Variants in RWDD1 observed in about 807,000 individuals in gnomAD.
RWDD1 encodes the protein RWD domain containing 1.
RWDD1 carries 17 observed loss-of-function variants against 31.6 expected under a neutral mutation model. The observed-to-expected ratio is 0.54, with a 90% CI of 0.37 to 0.81. The LOEUF is 0.81. Among genes scored for constraint, RWDD1 ranks in the 30% least tolerant of loss-of-function variants. The pLI, the probability that RWDD1 is intolerant of heterozygous loss-of-function variation, is 0.00. For missense variants in RWDD1, 204 were observed against 274.5 expected (o/e 0.74, Z 1.82); for synonymous variants, 78 against 94.2 (o/e 0.83, Z 0.99).
Position 116,584,851 on chromosome 6 carries a change from A to G in RWDD1, c.264A>G (p.Ala88=). Residue 88 remains alanine, a synonymous_variant, in exon 3 of 7, where the codon GCA becomes GCG. Coordinates refer to ENST00000466444, the MANE Select transcript of RWDD1 (RefSeq NM_015952.4). ...TCTCAGACATTTTAAAATTACTAGC[A>G]TTACAGGTAAGGAAATAATAATTTT... is the stretch of plus-strand genomic sequence containing the variant. ...NDVSDILKLL[A]LQAEENLGMV... 1 of 1,575,888 alleles carries G rather than the reference A, an allele frequency of 6.3e-7. No homozygotes were observed. The highest frequency in any genetic ancestry group is 8.7e-7 in the Non-Finnish European group (1 of 1,146,138).
At chr6:116,592,945 G>A (rs1775171916) in intron 6 of RWDD1, 35 bp from the exon 7 acceptor site, 2 of 1,566,830 alleles carry the variant, frequency 1.3e-6, no homozygotes, top group African/African-American at 1.4e-5. Context: ...TAAGACTAAA[G>A]GAGATTTTTT....
chr6:116,592,428 A>G (rs560355261), intron 6 of RWDD1, among the ~76,000 whole-genome samples: 2 of 152,260 alleles, frequency 1.3e-5, no homozygotes, highest in South Asian at 4.1e-4. Flanking sequence ...ACTTAATTGT[A>G]TTACCTACTT....
At chr6:116,587,600 A>G (rs1013919552) in intron 3 of RWDD1, among the ~76,000 whole-genome samples, 2 of 152,098 alleles carry the variant, frequency 1.3e-5, no homozygotes, top group Non-Finnish European at 2.9e-5. Context: ...TAAGCAAGAC[A>G]TTGACTAGAT....
At chr6:116,591,563 A>G (rs904895561) in intron 6 of RWDD1, among the ~76,000 whole-genome samples, 10 of 152,214 alleles carry the variant, frequency 6.6e-5, no homozygotes, top group East Asian at 1.9e-4. Context: ...CTTTTCTTCT[A>G]CCACCTATAC....
rs1775206522 is a variant in RWDD1, at chr6:116,594,319, AG to A, written c.*1219del. 1 of 152,160 alleles carries A rather than the reference AG, an allele frequency of 6.6e-6. No individual in the cohort carries two copies. The highest frequency in any genetic ancestry group is 2.1e-4 in the South Asian group (1 of 4,824). The allele number at this position is 152,160 out of a possible 1,614,324, so 9.4% of individuals were successfully genotyped here. A position where few individuals can be genotyped will look rare whatever the true frequency, so the allele number is the denominator to read the frequency against. On this transcript the variant is annotated 3_prime_UTR_variant, in exon 7 of 7. Transcript: ENST00000466444. ...AATATCCAAACCATAGCAGTCTTAA[AG>A]TATTTAAATTAGAATTTAAATTAAA...
chr6:116,588,138 C>A (rs1055272449), intron 3 of RWDD1, among the ~76,000 whole-genome samples: 5 of 152,060 alleles, frequency 3.3e-5, no homozygotes, highest in African/African-American at 9.7e-5. Flanking sequence ...ATTGTAGGAG[C>A]TAGCTTGAAG....
At position 116,594,180 on chromosome 6, in the gene RWDD1, C is replaced by T. The variant is rs1583338311; in HGVS notation, c.*1079C>T. On this transcript the variant is annotated 3_prime_UTR_variant, in exon 7 of 7. Coordinates refer to ENST00000466444, the MANE Select transcript of RWDD1 (RefSeq NM_015952.4). ...CTCACCCCTGCTCCCCACAGGAAGG[C>T]ATTAATCTATTTATGAGGGATCTAC... The T allele has an allele frequency of 6.6e-6, 1 of 150,982 alleles. No homozygotes were observed. Among genetic ancestry groups the T allele is most frequent in the South Asian group, 2.1e-4 (1 of 4,784 alleles). 9.4% of individuals were successfully genotyped at this position (150,982 alleles called of 1,614,324 possible).
intron 1 of RWDD1, among the ~76,000 whole-genome samples, chr6:116,579,928 A>C (rs957059670): frequency 6.6e-6 from 1 of 152,234 alleles, no homozygotes; most frequent in Non-Finnish European, 1.5e-5. Context: ...ATCAGTGGGT[A>C]GTTTCAGGTG....
At chr6:116,580,948 A>T (rs1289780959) in intron 2 of RWDD1, among the ~76,000 whole-genome samples, 2 of 152,254 alleles carry the variant, frequency 1.3e-5, no homozygotes, top group Middle Eastern at 3.4e-3. Flanking sequence ...GTAATTTGAT[A>T]AAAAGGTTAT....
At chr6:116,582,152 A>G (rs1476386413) in intron 2 of RWDD1, among the ~76,000 whole-genome samples, 1 of 151,852 alleles carries the variant, frequency 6.6e-6, no homozygotes, top group African/African-American at 2.4e-5. Context: ...AAATGGAAAT[A>G]GCGATCTCTT....
intron 3 of RWDD1, among the ~76,000 whole-genome samples, chr6:116,587,175 G>A (rs1387746436): frequency 6.6e-6 from 1 of 152,152 alleles, no homozygotes; most frequent in African/African-American, 2.4e-5. Context: ...TGGTCTCACA[G>A]ATTTTTTTCT....
intron 1 of RWDD1, among the ~76,000 whole-genome samples, chr6:116,579,151 C>T (rs761165793): frequency 1.3e-5 from 2 of 152,228 alleles, no homozygotes; most frequent in African/African-American, 2.4e-5. Flanking sequence ...GCTGGGACTA[C>T]AGGCATGAGC....
At chr6:116,575,702 C>T (rs549166898) in intron 1 of RWDD1, among the ~76,000 whole-genome samples, 1 of 152,316 alleles carries the variant, frequency 6.6e-6, no homozygotes, top group Non-Finnish European at 1.5e-5. Context: ...TGCTCTTGCA[C>T]ATATAAGAGA....
In RWDD1 at chr6:116,584,649, A is replaced by G. The variant is rs565866473; in HGVS notation, c.140-78A>G. ...TCTTTGTAGGAAAATCTATTGTGCT[A>G]CTTTCTACTGATTCAGCAAAGATAT... On this transcript the variant is annotated intron_variant, in intron 2 of 6. Transcript: ENST00000466444. 1.0e-4 allele frequency: 129 copies of G among 1,280,658 alleles called. No homozygotes were observed. The East Asian group carries it at 3.0e-3, about 30-fold the overall frequency. The allele number at this position is 1,280,658 out of a possible 1,614,324, so 79.3% of individuals were successfully genotyped here. A position where few individuals can be genotyped will look rare whatever the true frequency, so the allele number is the denominator to read the frequency against.
chr6:116,590,210 T>C lies in RWDD1; in HGVS notation c.415-62T>C, dbSNP rs1583336095. The C allele has an allele frequency of 6.7e-6, 6 of 900,624 alleles. No individual in the cohort carries two copies. The East Asian group carries it at 1.5e-4, about 22-fold the overall frequency. 55.8% of individuals were successfully genotyped at this position (900,624 alleles called of 1,614,324 possible). A position where few individuals can be genotyped will look rare whatever the true frequency, so the allele number is the denominator to read the frequency against. On this transcript the variant is annotated intron_variant, in intron 4 of 6. Transcript: ENST00000466444. Reference sequence around the variant, plus strand: ...TTATATTGATATGTTTAAAAGATACTGTTAGGATTTATTAAACTGCTGTTT... The same window carrying C: ...TTATATTGATATGTTTAAAAGATACCGTTAGGATTTATTAAACTGCTGTTT...
rs1775169077 is a variant in RWDD1, at chr6:116,592,844, T to G, written c.611-136T>G. Reference sequence around the variant, plus strand: ...CAATGCAAATCACTGTTGATAACTGTAGTTTGGGATTTCATCACTCCTACC... The same window carrying G: ...CAATGCAAATCACTGTTGATAACTGGAGTTTGGGATTTCATCACTCCTACC... On this transcript the variant is annotated intron_variant, in intron 6 of 6. Transcript: ENST00000466444. 8 of 842,634 alleles carry G rather than the reference T, an allele frequency of 9.5e-6. No homozygotes were observed. The East Asian group carries it at 2.1e-4, about 22-fold the overall frequency. 52.2% of individuals were successfully genotyped at this position (842,634 alleles called of 1,614,324 possible). A position where few individuals can be genotyped will look rare whatever the true frequency, so the allele number is the denominator to read the frequency against.
chr6:116,596,974 ACT>A lies in RWDD1; in HGVS notation c.*3876_*3877del, dbSNP rs796563720. The stretch of plus-strand genomic sequence containing the variant: ...TGTGATATACCAAACTTACAAAGTC[ACT>A]CTGCGATTTCAGTAAGGCCCATTCC... On this transcript the variant is annotated 3_prime_UTR_variant, in exon 7 of 7. Transcript: ENST00000466444. 3.0e-4 allele frequency: 45 copies of A among 152,202 alleles called. No homozygotes were observed. The highest frequency in any genetic ancestry group is 9.4e-4 in the African/African-American group (39 of 41,518). 9.4% of individuals were successfully genotyped at this position (152,202 alleles called of 1,614,324 possible). A position where few individuals can be genotyped will look rare whatever the true frequency, so the allele number is the denominator to read the frequency against.
rs1378054561 is a variant in RWDD1 at position 116,596,448 on chromosome 6, T to C, written c.*3347T>C. On this transcript the variant is annotated 3_prime_UTR_variant, in exon 7 of 7. Coordinates refer to ENST00000466444, the MANE Select transcript of RWDD1 (RefSeq NM_015952.4). The stretch of plus-strand genomic sequence containing the variant: ...TCAAGTAACCTTTCACTTAAGTTAC[T>C]TGTGTCAGAGGATGGATGATGGGGT... 6.6e-6 allele frequency: 1 copy of C among 152,248 alleles called. No individual in the cohort carries two copies. The highest frequency in any genetic ancestry group is 6.5e-5 in the Admixed American group (1 of 15,284). 9.4% of individuals were successfully genotyped at this position (152,248 alleles called of 1,614,324 possible).
chr6:116,575,917 A>G lies in RWDD1; in HGVS notation c.73+4262A>G, dbSNP rs545553446. Among the ~76,000 whole-genome samples, 125 of 152,326 alleles carry G rather than the reference A, an allele frequency of 8.2e-4. 1 individual carries two copies. The Middle Eastern group carries it at 0.01, about 12-fold the overall frequency. On this transcript the variant is annotated intron_variant, in intron 1 of 6. Transcript: ENST00000466444. ...AATTTCCTGGAAACTGTCAGAGGGCATATCTACTTCCATCTTTTTAGTGGG... is the reference window on the plus strand; with the variant it reads ...AATTTCCTGGAAACTGTCAGAGGGCGTATCTACTTCCATCTTTTTAGTGGG...
Sources: allele counts gnomAD v4.1 joint callset (sites outside exome capture counted in the v4.1 genomes callset), GRCh38; gene constraint gnomAD v4.1.1; transcripts MANE v1.5; gene names NCBI Gene and HGNC (gene_info 2026-07-23, HGNC 2026-07-21).